ICA1: variants seen among roughly 807,000 people sequenced by gnomAD.
The protein encoded by ICA1 is 69 kDa islet cell autoantigen.
ICA1 carries 40 observed loss-of-function variants against 71.0 expected under a neutral mutation model. The observed-to-expected ratio is 0.56, with a 90% CI of 0.44 to 0.73. The LOEUF (loss-of-function observed/expected upper bound fraction) is 0.73, where lower values mean the gene tolerates loss of function less well. ICA1 is among the 30% of genes least tolerant of loss of function. The probability of loss-of-function intolerance (pLI) is 0.00; values close to 1 mark genes in which losing one functional copy is unlikely to be tolerated. For missense variants in ICA1, 578 were observed against 576.5 expected (o/e 1.00, Z -0.03); for synonymous variants, 207 against 209.5 (o/e 0.99, Z 0.10).
chr7:8,224,867 C>T (rs1312200732), intron 4 of ICA1, among the ~76,000 whole-genome samples: 2 of 152,110 alleles, frequency 1.3e-5, no homozygotes, highest in African/African-American at 2.4e-5. Context: ...TTTGGTTTGT[C>T]TGATTTCTCA....
rs1795457783 is a variant in ICA1, at chr7:8,142,120, A to G, written c.903-303T>C. 6 of 753,382 alleles carry G rather than the reference A, an allele frequency of 8.0e-6. 1 individual carries two copies. The highest frequency in any genetic ancestry group is 3.3e-5 in the South Asian group (2 of 60,874). The allele number at this position is 753,382 out of a possible 1,614,324, so 46.7% of individuals were successfully genotyped here. A position where few individuals can be genotyped will look rare whatever the true frequency, so the allele number is the denominator to read the frequency against. ...AGTTATCACCTTAAAAATAGTAAAAATTGATAGTTAAAAAAACTGTAAAAA... is the reference window on the plus strand; with the variant it reads ...AGTTATCACCTTAAAAATAGTAAAAGTTGATAGTTAAAAAAACTGTAAAAA... On this transcript the variant is annotated intron_variant, in intron 9 of 13. Coordinates refer to ENST00000402384, the MANE Select transcript of ICA1 (RefSeq NM_001136020.3).
intron 1 of ICA1, among the ~76,000 whole-genome samples, chr7:8,239,050 T>C (rs188341006): frequency 1.3e-5 from 2 of 152,326 alleles, no homozygotes; most frequent in African/African-American, 4.8e-5. Flanking sequence ...TACTGGATCA[T>C]AGGCACAGGA....
chr7:8,194,370 T>C (rs1321159754), intron 6 of ICA1, among the ~76,000 whole-genome samples: 1 of 152,236 alleles, frequency 6.6e-6, no homozygotes, highest in Non-Finnish European at 1.5e-5. Flanking sequence ...TCATGTTTAT[T>C]TATAAAATAA....
At chr7:8,259,879 T>C (rs1033968863) in intron 1 of ICA1, among the ~76,000 whole-genome samples, 9 of 152,290 alleles carry the variant, frequency 5.9e-5, no homozygotes, top group African/African-American at 1.9e-4. Context: ...CTGAGGCAGA[T>C]TGCGAATGGT....
chr7:8,240,423 T>C (rs900303592), intron 1 of ICA1, among the ~76,000 whole-genome samples: 3 of 151,940 alleles, frequency 2.0e-5, no homozygotes, highest in African/African-American at 7.3e-5. Flanking sequence ...GTCATCAACA[T>C]CAAAGACCAA....
chr7:8,258,844 T>C (rs1161079265), intron 1 of ICA1, among the ~76,000 whole-genome samples: 1 of 152,224 alleles, frequency 6.6e-6, no homozygotes, highest in Non-Finnish European at 1.5e-5. Flanking sequence ...TCCAAGGCAG[T>C]TCTACCATAT....
At chr7:8,161,081 G>A (rs534514600) in intron 6 of ICA1, among the ~76,000 whole-genome samples, 1 of 152,306 alleles carries the variant, frequency 6.6e-6, no homozygotes, top group South Asian at 2.1e-4. Flanking sequence ...ACACGTGGGA[G>A]TCGGAGCTTT....
chr7:8,131,608 A>G (rs572477084), intron 12 of ICA1, among the ~76,000 whole-genome samples: 20 of 152,360 alleles, frequency 1.3e-4, no homozygotes, highest in African/African-American at 4.3e-4. Flanking sequence ...AAAAGCAATG[A>G]AACTGGCACT....
At chr7:8,261,243 C>G (rs566677516) in intron 1 of ICA1, among the ~76,000 whole-genome samples, 1 of 152,116 alleles carries the variant, frequency 6.6e-6, no homozygotes, top group African/African-American at 2.4e-5. Context: ...AGAATAAGGG[C>G]GCGATACTTT....
chr7:8,257,705 C>A (rs1645056971), intron 1 of ICA1, among the ~76,000 whole-genome samples: 1 of 152,128 alleles, frequency 6.6e-6, no homozygotes, highest in African/African-American at 2.4e-5. Flanking sequence ...ATTCTAATGA[C>A]TTTTTAATAT....
chr7:8,195,277 A>G (rs1000347594), intron 6 of ICA1, among the ~76,000 whole-genome samples: 1 of 152,232 alleles, frequency 6.6e-6, no homozygotes, highest in Non-Finnish European at 1.5e-5. Context: ...CCACGCCTGC[A>G]ATCCCAGCAC....
At chr7:8,189,029 G>A (rs968352928) in intron 6 of ICA1, among the ~76,000 whole-genome samples, 3 of 152,242 alleles carry the variant, frequency 2.0e-5, no homozygotes, top group Non-Finnish European at 2.9e-5. Context: ...GAGTGAGCCC[G>A]CGAGCCAACC....
At chr7:8,159,842 T>C (rs566573823) in intron 6 of ICA1, among the ~76,000 whole-genome samples, 1 of 152,348 alleles carries the variant, frequency 6.6e-6, no homozygotes, top group African/African-American at 2.4e-5. Context: ...AAAAACCACC[T>C]TACTGAGGTA....
intron 6 of ICA1, among the ~76,000 whole-genome samples, chr7:8,185,146 A>G (rs1162104468): frequency 1.3e-5 from 2 of 152,188 alleles, no homozygotes; most frequent in African/African-American, 4.8e-5. Flanking sequence ...GTTTAAAAAA[A>G]CTGAAAAAGT....
chr7:8,201,630 T>C lies in ICA1; in HGVS notation c.579+16675A>G, dbSNP rs76435164. Among the ~76,000 whole-genome samples, 8 of 152,142 alleles carry C rather than the reference T, an allele frequency of 5.3e-5. No individual in the cohort carries two copies. In the East Asian group the frequency reaches 1.3e-3, roughly 26 times the overall value. ...CGTTAAAATAAAGCAGTGCAGTTGA[T>C]GAAAAAGGGCCGAGTTTAGCTCCCA... On this transcript the variant is annotated intron_variant, in intron 6 of 13. Coordinates refer to ENST00000402384, the MANE Select transcript of ICA1 (RefSeq NM_001136020.3).
intron 8 of ICA1, among the ~76,000 whole-genome samples, chr7:8,152,576 C>CACCATT (rs1562698869): frequency 8.7e-6 from 1 of 115,400 alleles, no homozygotes; most frequent in Non-Finnish European, 2.1e-5. Context: ...CCACCACCAC[C>CACCATT]ATCTCCTTCA....
intron 9 of ICA1, among the ~76,000 whole-genome samples, 163 bp downstream of exon 9, chr7:8,143,712 G>C (rs977980626): frequency 6.6e-6 from 1 of 152,182 alleles, no homozygotes; most frequent in Admixed American, 6.5e-5. Flanking sequence ...CCTAGCAGGA[G>C]CATGCGTTAA....
chr7:8,244,834 A>G (rs1484467665), intron 1 of ICA1, among the ~76,000 whole-genome samples: 2 of 152,206 alleles, frequency 1.3e-5, no homozygotes, highest in Non-Finnish European at 1.5e-5. Flanking sequence ...GTCATCAGAG[A>G]AATGCAAATC....
intron 6 of ICA1, among the ~76,000 whole-genome samples, chr7:8,216,210 T>C (rs1178624081): frequency 6.6e-6 from 1 of 152,248 alleles, no homozygotes; most frequent in Non-Finnish European, 1.5e-5. Context: ...TCATCTGTTA[T>C]GTATGTGCTC....
Sources: allele counts gnomAD v4.1 joint callset (sites outside exome capture counted in the v4.1 genomes callset), GRCh38; gene constraint gnomAD v4.1.1; transcripts MANE v1.5; gene names NCBI Gene and HGNC (gene_info 2026-07-23, HGNC 2026-07-21).